CFAP46: variants seen among roughly 807,000 people sequenced by gnomAD.
CFAP46 encodes cilia- and flagella-associated protein 46.
Under a neutral mutation model 325.7 loss-of-function variants are expected in CFAP46, and 245 were observed. The ratio of observed to expected loss-of-function variants is 0.75; its 90% CI spans 0.68 to 0.84. The LOEUF is 0.84. CFAP46 is among the 40% of genes least tolerant of loss of function. The pLI is 0.00. For synonymous variants in CFAP46, 1,523 were observed against 1,495.9 expected (o/e 1.02, Z -0.42); for missense variants, 3,346 against 3,543.0 (o/e 0.94, Z 1.41).
chr10:132,938,876 G>A (rs1391505864), intron 4 of CFAP46, 123 bp from the exon 5 acceptor site: 2 of 802,706 alleles, frequency 2.5e-6, no homozygotes, highest in Non-Finnish European at 3.9e-6. Flanking sequence ...CTCTCCAGCA[G>A]ATGGCAGCAG....
At chr10:132,882,451 G>A (rs1305881069) in intron 27 of CFAP46, among the ~76,000 whole-genome samples, 1 of 151,812 alleles carries the variant, frequency 6.6e-6, no homozygotes, top group African/African-American at 2.4e-5. Flanking sequence ...TGGATGTCGG[G>A]TGTAAGTCCA....
At chr10:132,849,626 G>T (rs1387773497) in intron 41 of CFAP46, among the ~76,000 whole-genome samples, 2 of 152,152 alleles carry the variant, frequency 1.3e-5, no homozygotes. Flanking sequence ...ACTCAGCCCA[G>T]CTGGGCAGCC....
At chr10:132,841,938 C>T (rs1469325653) in intron 44 of CFAP46, among the ~76,000 whole-genome samples, 1 of 152,198 alleles carries the variant, frequency 6.6e-6, no homozygotes, top group Non-Finnish European at 1.5e-5. Context: ...TCTGAAATGA[C>T]TTCTGGGTCT....
intron 44 of CFAP46, among the ~76,000 whole-genome samples, chr10:132,837,696 G>C (rs1436306733): frequency 9.1e-6 from 1 of 110,216 alleles, no homozygotes; most frequent in Non-Finnish European, 1.8e-5. Flanking sequence ...CACGTACACA[G>C]ATGCACACAC....
rs146040782 is a variant in CFAP46, at chr10:132,939,659, G to A, written c.372-906C>T. On this transcript the variant is annotated intron_variant, in intron 4 of 57. Transcript: ENST00000368586. This position sits in a 1 kb window ranked among gnomAD's most constrained non-coding sequence, Gnocchi z 4.6. ...ATCCTGTTTCCAGGTTTTCAGGAGA[G>A]GAGCGGAGGTGCGGGGTGTCCTGAC... 6.7e-3 allele frequency among the ~76,000 whole-genome samples: 1,013 copies of A among 152,294 alleles called. 14 individuals carry two copies. The highest frequency in any genetic ancestry group is 0.023 in the African/African-American group (963 of 41,570).
chr10:132,908,066 T>TC (rs1372670670), intron 22 of CFAP46, among the ~76,000 whole-genome samples: 2 of 152,184 alleles, frequency 1.3e-5, no homozygotes, highest in African/African-American at 4.8e-5. Flanking sequence ...CACACACCCC[T>TC]CCTGCTGAGG....
chr10:132,825,172 C>A (rs1288986100), intron 50 of CFAP46, among the ~76,000 whole-genome samples: 1 of 127,414 alleles, frequency 7.8e-6, no homozygotes, highest in African/African-American at 3.1e-5. Context: ...GTGATGTGTG[C>A]TGTGTGTGTG....
chr10:132,823,605 T>C (rs1847946409), intron 50 of CFAP46, among the ~76,000 whole-genome samples: 1 of 116,392 alleles, frequency 8.6e-6, no homozygotes, highest in Admixed American at 8.4e-5. Context: ...TGCGCTGATG[T>C]GTGCTGTGTG....
chr10:132,894,701 C>T (rs1055746040), intron 24 of CFAP46, among the ~76,000 whole-genome samples: 1 of 151,980 alleles, frequency 6.6e-6, no homozygotes, highest in African/African-American at 2.4e-5. Context: ...ATTTGCACAC[C>T]AACAAATTAG....
At chr10:132,910,098 C>G in intron 19 of CFAP46, 30 bp from the exon 20 acceptor site, 1 of 1,386,330 alleles carries the variant, frequency 7.2e-7, no homozygotes, top group Non-Finnish European at 9.4e-7. Context: ...GGTCACGAAA[C>G]CTGAATTCTA....
At position 132,820,337 on chromosome 10, in the gene CFAP46, C is replaced by T. The variant is rs117788828; in HGVS notation, c.7118-5423G>A. Among the ~76,000 whole-genome samples, 592 of 151,308 alleles carry T rather than the reference C, an allele frequency of 3.9e-3. 7 individuals are homozygous for T. In the South Asian group the frequency reaches 0.06, roughly 15 times the overall value. ...CAGAAGCAGAGTGAGTGGTGGCTGACGGGGGCTGGGGGAGGGAGTGAGAGG... is the reference window on the plus strand; with the variant it reads ...CAGAAGCAGAGTGAGTGGTGGCTGATGGGGGCTGGGGGAGGGAGTGAGAGG... On this transcript the variant is annotated intron_variant, in intron 50 of 57. Coordinates refer to ENST00000368586, the MANE Select transcript of CFAP46 (RefSeq NM_001200049.3).
rs573745183 is a variant in CFAP46 at position 132,941,958 on chromosome 10, G to A, written c.174+22C>T. The A allele has an allele frequency of 3.2e-5, 50 of 1,551,042 alleles. No homozygotes were observed. In the African/African-American group the frequency reaches 6.7e-4, roughly 21 times the overall value. ...TCTCCCTGTCAAAGCTGCCCTGACC[G>A]AGGATCCCGGGAACTAGTTACCTTC... is the stretch of plus-strand genomic sequence containing the variant. On this transcript the variant is annotated intron_variant, in intron 2 of 57. Transcript: ENST00000368586.
In CFAP46 at chr10:132,851,190, C is replaced by T. The variant is rs756486375; in HGVS notation, c.5690G>A (p.Ser1897Asn). 7 of 1,614,142 alleles carry T rather than the reference C, an allele frequency of 4.3e-6. No homozygotes were observed. The highest frequency in any genetic ancestry group is 1.1e-5 in the South Asian group (1 of 91,088). ...CAGCTTCTCCAGGGACCCCTGCTCACTCTGCTGCCCGTGGGCCTCCTCCCA... is the reference window on the plus strand; with the variant it reads ...CAGCTTCTCCAGGGACCCCTGCTCATTCTGCTGCCCGTGGGCCTCCTCCCA... ...FIWEEAHGQQ[S>N]EQGSLEKLLA... Residue 1897 changes from serine (S) to asparagine (N), a missense_variant, in exon 40 of 58, where the codon AGT becomes AAT. Coordinates refer to ENST00000368586, the MANE Select transcript of CFAP46 (RefSeq NM_001200049.3).
At position 132,913,235 on chromosome 10, in the gene CFAP46, C is replaced by T. The variant is rs973229930; in HGVS notation, c.2144G>A (p.Arg715Gln). The T allele has an allele frequency of 3.9e-5, 60 of 1,550,268 alleles. No individual in the cohort carries two copies. The highest frequency in any genetic ancestry group is 1.4e-4 in the African/African-American group (10 of 73,054). ...TYRTWIESLS[R>Q]CAMNNWLRSA... ...GCGCAGCCAGTTATTCATGGCACAC[C>T]GGGACAGACTCTCGATCCAGGTTCT... Residue 715 changes from arginine to glutamine, a missense_variant, in exon 18 of 58, where the codon CGG (arginine) becomes CAG (glutamine). Transcript: ENST00000368586.
chr10:132,910,642 C>T (rs1053350143), intron 19 of CFAP46, among the ~76,000 whole-genome samples: 2 of 152,208 alleles, frequency 1.3e-5, no homozygotes, highest in Non-Finnish European at 2.9e-5. Flanking sequence ...TTCAGAGCCT[C>T]GCCCGGTGCA....
At chr10:132,892,548 G>T in intron 24 of CFAP46, 131 bp from the exon 25 acceptor site, 1 of 769,464 alleles carries the variant, frequency 1.3e-6, no homozygotes, top group African/African-American at 1.8e-5. Flanking sequence ...ATAAGCAGCT[G>T]TAAATTAACC....
chr10:132,824,812 T>C (rs1848004512), intron 50 of CFAP46, among the ~76,000 whole-genome samples: 1 of 140,646 alleles, frequency 7.1e-6, no homozygotes, highest in Admixed American at 7.2e-5. Context: ...TGTGCGCTGA[T>C]GTGTGCTGTC....
At position 132,887,639 on chromosome 10, in the gene CFAP46, TTC is replaced by T. The variant is rs1451967678; in HGVS notation, c.3305-1682_3305-1681del. On this transcript the variant is annotated intron_variant, in intron 25 of 57. Coordinates refer to ENST00000368586, the MANE Select transcript of CFAP46 (RefSeq NM_001200049.3). ...CTCTCCTCTTCTCTCCTCTCCCTTC[TTC>T]TCTCTCCTCTCCTCTCTCCTCTTTC... Among the ~76,000 whole-genome samples the T allele has an allele frequency of 5.6e-4, 28 of 50,244 alleles. 2 individuals are homozygous for T. The highest frequency in any genetic ancestry group is 9.9e-4 in the Admixed American group (4 of 4,036). The allele number at this position is 50,244 out of a possible 152,430, so 33.0% of individuals were successfully genotyped here. A position where few individuals can be genotyped will look rare whatever the true frequency, so the allele number is the denominator to read the frequency against.
At chr10:132,821,265 A>ATGTGTGCTG (rs1565035131) in intron 50 of CFAP46, among the ~76,000 whole-genome samples, 11 of 94,092 alleles carry the variant, frequency 1.2e-4, no homozygotes, top group Admixed American at 5.0e-4. Flanking sequence ...GTGAGCGCTG[A>ATGTGTGCTG]TGTGTGCTGT....
Sources: allele counts gnomAD v4.1 joint callset (sites outside exome capture counted in the v4.1 genomes callset), GRCh38; gene constraint gnomAD v4.1.1; non-coding constraint Gnocchi (gnomAD v3.1); transcripts MANE v1.5; gene names NCBI Gene and HGNC (gene_info 2026-07-23, HGNC 2026-07-21).